DOCK3: variants seen among roughly 807,000 people sequenced by gnomAD.
DOCK3 encodes dedicator of cytokinesis protein 3.
A neutral mutation model predicts 265.6 loss-of-function variants in DOCK3; 60 were observed. The ratio of observed to expected loss-of-function variants is 0.23; its 90% confidence interval spans 0.18 to 0.28. The LOEUF (loss-of-function observed/expected upper bound fraction) is 0.28, where lower values mean the gene tolerates loss of function less well. DOCK3 is among the 10% of genes least tolerant of loss of function. DOCK3 has a pLI of 1.00. For synonymous variants in DOCK3, 881 were observed against 938.0 expected, an observed-to-expected ratio of 0.94 and a Z score of 1.11; for missense variants, 1,981 against 2,594.3, an observed-to-expected ratio of 0.76 and a Z score of 5.14.
chr3:50,906,906 T>A (rs1348491934), intron 4 of DOCK3, among the ~76,000 whole-genome samples: 1 of 152,136 alleles, frequency 6.6e-6, no homozygotes, highest in Admixed American at 6.5e-5. Context: ...GCTATAAATT[T>A]CCCTCTACAC....
rs901427352 is a variant in DOCK3 at position 50,731,188 on chromosome 3, C to CAATTTAAAT, written c.38-47486_38-47478dup. On this transcript the variant is annotated intron_variant, in intron 1 of 52. Transcript: ENST00000266037. ...AGATGTAGAATCCCCTTAATATTAA[C>CAATTTAAAT]AATTTAAATTCAGCATTATATAAAA... 8.5e-4 allele frequency among the ~76,000 whole-genome samples: 127 copies of CAATTTAAAT among 149,764 alleles called. 1 individual carries two copies. Among genetic ancestry groups the CAATTTAAAT allele is most frequent in the Admixed American group, 2.7e-3 (40 of 15,048 alleles).
chr3:50,720,249 A>G lies in DOCK3; in HGVS notation c.37+44949A>G, dbSNP rs536474116. On this transcript the variant is annotated intron_variant, in intron 1 of 52. Coordinates refer to ENST00000266037, the MANE Select transcript of DOCK3 (RefSeq NM_004947.5). Reference sequence around the variant, plus strand: ...TTATTTCGTCACCCAGGTAGTAAACATAGTATGCAATAGGTTGTTTTCTAT... The same window carrying G: ...TTATTTCGTCACCCAGGTAGTAAACGTAGTATGCAATAGGTTGTTTTCTAT... 1.8e-4 allele frequency among the ~76,000 whole-genome samples: 28 copies of G among 152,220 alleles called. 1 individual carries two copies. The South Asian group carries it at 5.6e-3, about 30-fold the overall frequency.
At position 51,330,239 on chromosome 3, in the gene DOCK3, C is replaced by G; in HGVS notation, c.3488+16C>G. 5.1e-6 allele frequency: 8 copies of G among 1,577,076 alleles called. No individual in the cohort carries two copies. Among genetic ancestry groups the G allele is most frequent in the Non-Finnish European group, 6.0e-6 (7 of 1,160,894 alleles). On this transcript the variant is annotated intron_variant, in intron 33 of 52. Transcript: ENST00000266037. ...TCAGCCTACTGTAAGCTGCTCCAGC[C>G]CCAGGCACACCACACTGGGGGATGG...
At position 50,675,352 on chromosome 3, in the gene DOCK3, G is replaced by A; in HGVS notation, c.37+52G>A. 3.4e-6 allele frequency: 4 copies of A among 1,191,742 alleles called. No individual in the cohort carries two copies. The highest frequency in any genetic ancestry group is 4.2e-6 in the Non-Finnish European group (4 of 952,414). 73.8% of individuals were successfully genotyped at this position (1,191,742 alleles called of 1,614,324 possible). ...GCGGGGGTTCTGGGGGACGCGCCCA[G>A]CTCCCGGCCCCGCCTGGATTCGCAT... On this transcript the variant is annotated intron_variant, in intron 1 of 52. Transcript: ENST00000266037. This position sits in a 1 kb window ranked among gnomAD's most constrained non-coding sequence, Gnocchi z 6.1.
At chr3:50,800,785 T>A (rs1342841065) in intron 2 of DOCK3, among the ~76,000 whole-genome samples, 5 of 152,144 alleles carry the variant, frequency 3.3e-5, no homozygotes, top group Non-Finnish European at 5.9e-5. Flanking sequence ...CTAGTTTTTT[T>A]AATTTCAGCA....
chr3:51,013,598 G>T (rs939901912), intron 5 of DOCK3, among the ~76,000 whole-genome samples: 13 of 152,178 alleles, frequency 8.5e-5, no homozygotes, highest in South Asian at 4.1e-4. Context: ...CTATTGGGAG[G>T]TGTCTCCAAG....
intron 49 of DOCK3, among the ~76,000 whole-genome samples, chr3:51,363,645 C>T (rs186145755): frequency 3.3e-5 from 5 of 152,336 alleles, no homozygotes; most frequent in Admixed American, 3.3e-4. Flanking sequence ...ACTTCCCCCA[C>T]CTGACAACAG....
At chr3:50,750,727 G>C (rs2108303405) in intron 1 of DOCK3, among the ~76,000 whole-genome samples, 1 of 152,210 alleles carries the variant, frequency 6.6e-6, no homozygotes, top group Admixed American at 6.5e-5. Context: ...GATTGCTTTG[G>C]CATTATTCAT....
intron 12 of DOCK3, among the ~76,000 whole-genome samples, chr3:51,185,891 G>GT (rs1283312614): frequency 6.6e-6 from 1 of 152,160 alleles, no homozygotes; most frequent in Non-Finnish European, 1.5e-5. Flanking sequence ...CCAGCCATGT[G>GT]TAACTGTGAG....
chr3:51,066,409 A>G (rs1259290804), intron 6 of DOCK3, among the ~76,000 whole-genome samples: 1 of 152,208 alleles, frequency 6.6e-6, no homozygotes, highest in Non-Finnish European at 1.5e-5. Flanking sequence ...TTTAGACAGA[A>G]AAATAGTTCC....
At chr3:50,992,402 A>G (rs570128418) in intron 5 of DOCK3, among the ~76,000 whole-genome samples, 1 of 152,314 alleles carries the variant, frequency 6.6e-6, no homozygotes, top group African/African-American at 2.4e-5. Flanking sequence ...GGTTCCAGCT[A>G]TTCTCCTGCC....
At chr3:50,713,326 A>T (rs1018835069) in intron 1 of DOCK3, among the ~76,000 whole-genome samples, 1 of 152,168 alleles carries the variant, frequency 6.6e-6, no homozygotes, top group African/African-American at 2.4e-5. Context: ...AAGGTTAAGG[A>T]TTTGCTTTTA....
chr3:51,218,032 C>T (rs1576441793), intron 14 of DOCK3, among the ~76,000 whole-genome samples: 2 of 151,940 alleles, frequency 1.3e-5, no homozygotes, highest in Admixed American at 6.6e-5. Context: ...GCAGGAGAAT[C>T]GCTTGAACCT....
At chr3:50,996,747 T>A (rs1346769344) in intron 5 of DOCK3, among the ~76,000 whole-genome samples, 1 of 152,186 alleles carries the variant, frequency 6.6e-6, no homozygotes, top group East Asian at 1.9e-4. Flanking sequence ...TTTCTTTTAT[T>A]CTCTCCATAC....
intron 33 of DOCK3, 83 bp from the exon 34 acceptor site, chr3:51,332,918 T>C: frequency 6.3e-7 from 1 of 1,581,164 alleles, no homozygotes; most frequent in South Asian, 1.1e-5. Flanking sequence ...TAGGAACTTG[T>C]ACATGGAAAT....
At chr3:51,278,525 G>GC in intron 26 of DOCK3, 3 of 985,408 alleles carry the variant, frequency 3.0e-6, no homozygotes, top group Non-Finnish European at 3.6e-6. Context: ...CACTCAGGGA[G>GC]CAGGTATGTG....
At position 51,374,716 on chromosome 3, in the gene DOCK3, G is replaced by C. The variant is rs1393604715; in HGVS notation, c.5412+129G>C. The C allele has an allele frequency of 1.1e-6, 1 of 880,720 alleles. No individual in the cohort carries two copies. Among genetic ancestry groups the C allele is most frequent in the African/African-American group, 1.7e-5 (1 of 59,986 alleles). 54.6% of individuals were successfully genotyped at this position (880,720 alleles called of 1,614,324 possible). A position where few individuals can be genotyped will look rare whatever the true frequency, so the allele number is the denominator to read the frequency against. On this transcript the variant is annotated intron_variant, in intron 50 of 52. Coordinates refer to ENST00000266037, the MANE Select transcript of DOCK3 (RefSeq NM_004947.5). The surrounding 1 kb of genome is among the most constrained non-coding windows in gnomAD (Gnocchi z 4.8). ...CATTCCGCTGTAAGATCCCGCAAAA[G>C]GCCGCTGGGCTTCTGGATGTGGAGT...
chr3:50,814,402 G>A (rs978066535), intron 2 of DOCK3, among the ~76,000 whole-genome samples: 2 of 150,368 alleles, frequency 1.3e-5, no homozygotes, highest in African/African-American at 4.9e-5. Flanking sequence ...GAGTAGCCGG[G>A]ACTACAGGCA....
At chr3:50,764,435 T>C (rs1244828252) in intron 1 of DOCK3, among the ~76,000 whole-genome samples, 1 of 152,186 alleles carries the variant, frequency 6.6e-6, no homozygotes, top group East Asian at 1.9e-4. Flanking sequence ...TGGTTTAAAG[T>C]ATACAAGAGT....
Sources: allele counts gnomAD v4.1 joint callset (sites outside exome capture counted in the v4.1 genomes callset), GRCh38; gene constraint gnomAD v4.1.1; non-coding constraint Gnocchi (gnomAD v3.1); transcripts MANE v1.5; gene names NCBI Gene and HGNC (gene_info 2026-07-23, HGNC 2026-07-21).